DGKB: variants seen among roughly 807,000 people sequenced by gnomAD.
DGKB encodes 90 kDa diacylglycerol kinase.
Under a neutral mutation model 114.3 loss-of-function variants are expected in DGKB, and 67 were observed. The observed-to-expected ratio is 0.59, with a 90% CI of 0.48 to 0.72. DGKB has a LOEUF of 0.72. Among genes scored for constraint, DGKB ranks in the 30% least tolerant of loss-of-function variants. DGKB has a pLI of 0.00. For missense variants in DGKB, 907 were observed against 975.2 expected (o/e 0.93, Z 0.93); for synonymous variants, 398 against 323.1 (o/e 1.23, Z -2.49).
intron 23 of DGKB, among the ~76,000 whole-genome samples, chr7:14,226,371 T>C (rs1401448372): frequency 2.0e-5 from 3 of 152,010 alleles, no homozygotes; most frequent in Non-Finnish European, 4.4e-5. Flanking sequence ...GCAAAATAGA[T>C]ATGTTTTTTC....
intron 1 of DGKB, among the ~76,000 whole-genome samples, chr7:14,842,097 T>G (rs1337521354): frequency 1.3e-5 from 2 of 152,236 alleles, no homozygotes; most frequent in Non-Finnish European, 2.9e-5. Context: ...CCATCTGGTT[T>G]CAACATTTTT....
At chr7:14,182,614 T>C (rs1364350780) in intron 23 of DGKB, among the ~76,000 whole-genome samples, 2 of 152,166 alleles carry the variant, frequency 1.3e-5, no homozygotes, top group Non-Finnish European at 2.9e-5. Context: ...ACTTTATAAA[T>C]CTGTGAAAAT....
intron 1 of DGKB, among the ~76,000 whole-genome samples, chr7:14,871,684 C>T (rs547382791): frequency 2.4e-4 from 36 of 152,212 alleles, no homozygotes; most frequent in African/African-American, 6.7e-4. Context: ...ATTAGGAACA[C>T]GCAGCTCACT....
At chr7:14,389,514 T>G (rs1416826001) in intron 21 of DGKB, among the ~76,000 whole-genome samples, 1 of 152,234 alleles carries the variant, frequency 6.6e-6, no homozygotes, top group African/African-American at 2.4e-5. Flanking sequence ...CTGTTCCCAT[T>G]GATTTGCAAC....
chr7:14,343,104 G>C (rs776768249), intron 22 of DGKB, among the ~76,000 whole-genome samples: 9 of 150,106 alleles, frequency 6.0e-5, no homozygotes, highest in Non-Finnish European at 1.3e-4. Context: ...CTGCTAATAT[G>C]ATAGACAGGA....
At chr7:14,485,576 G>A (rs1783677098) in intron 20 of DGKB, among the ~76,000 whole-genome samples, 1 of 152,036 alleles carries the variant, frequency 6.6e-6, no homozygotes, top group Admixed American at 6.6e-5. Flanking sequence ...TTGCTGAATG[G>A]TACATGAAAA....
At chr7:14,682,159 A>G (rs1467244117) in intron 12 of DGKB, among the ~76,000 whole-genome samples, 1 of 152,118 alleles carries the variant, frequency 6.6e-6, no homozygotes, top group African/African-American at 2.4e-5. Flanking sequence ...ATAAGTTTAC[A>G]ATAAGCAAAC....
chr7:14,380,299 A>C (rs2128678617), intron 21 of DGKB, among the ~76,000 whole-genome samples: 1 of 152,094 alleles, frequency 6.6e-6, no homozygotes, highest in East Asian at 1.9e-4. Context: ...ATTATGCCTA[A>C]TTGAAAAAGG....
At chr7:14,810,954 G>A (rs1412807776) in intron 2 of DGKB, among the ~76,000 whole-genome samples, 3 of 152,036 alleles carry the variant, frequency 2.0e-5, no homozygotes, top group Admixed American at 1.3e-4. Flanking sequence ...ATATTTATGG[G>A]ACATTTCAAT....
chr7:14,923,441 C>A (rs190908855), intron 1 of DGKB, among the ~76,000 whole-genome samples: 1 of 152,220 alleles, frequency 6.6e-6, no homozygotes, highest in Non-Finnish European at 1.5e-5. Flanking sequence ...GATTTTTAAA[C>A]AAGTCACTTT....
chr7:14,258,008 G>A (rs532340174), intron 23 of DGKB, among the ~76,000 whole-genome samples: 16 of 152,162 alleles, frequency 1.1e-4, no homozygotes, highest in East Asian at 3.9e-4. Flanking sequence ...GATTGCAGGC[G>A]TGAGCCAATC....
intron 17 of DGKB, among the ~76,000 whole-genome samples, chr7:14,598,687 C>A (rs367569009): frequency 1.3e-5 from 2 of 152,048 alleles, no homozygotes. Context: ...TTTAAGCTAT[C>A]TTTTGCTGAA....
intron 21 of DGKB, among the ~76,000 whole-genome samples, chr7:14,351,379 G>A (rs959451763): frequency 6.6e-6 from 1 of 152,226 alleles, no homozygotes; most frequent in African/African-American, 2.4e-5. Flanking sequence ...CACTCCCAGA[G>A]TAGCTGCAGC....
chr7:14,968,422 C>T (rs1159555533), intron 1 of DGKB, among the ~76,000 whole-genome samples: 4 of 152,040 alleles, frequency 2.6e-5, no homozygotes, highest in East Asian at 1.9e-4. Flanking sequence ...TAAATATAGA[C>T]GGAATCAAAA....
intron 2 of DGKB, among the ~76,000 whole-genome samples, chr7:14,837,871 A>G (rs1435019978): frequency 6.6e-6 from 1 of 152,196 alleles, no homozygotes; most frequent in East Asian, 1.9e-4. Flanking sequence ...TTATTCAGGA[A>G]AGTCCTTGGA....
intron 2 of DGKB, among the ~76,000 whole-genome samples, chr7:14,778,719 T>C (rs566939741): frequency 6.6e-6 from 1 of 152,342 alleles, no homozygotes; most frequent in Non-Finnish European, 1.5e-5. Flanking sequence ...AAGAGGGAGT[T>C]GACTTGTAAC....
intron 21 of DGKB, among the ~76,000 whole-genome samples, chr7:14,418,371 GTA>G (rs369934623): frequency 0.25 from 32,606 of 129,630 alleles, 4,705 homozygotes; most frequent in African/African-American, 0.43. Flanking sequence ...ATGTGTGTGT[GTA>G]TATATATATA....
chr7:14,845,824 G>T (rs777945935), intron 1 of DGKB, among the ~76,000 whole-genome samples: 1 of 150,396 alleles, frequency 6.6e-6, no homozygotes, highest in African/African-American at 2.5e-5. Context: ...AACTGAATGG[G>T]CATTAAAAAA....
intron 23 of DGKB, among the ~76,000 whole-genome samples, chr7:14,312,763 T>A (rs1805625721): frequency 6.6e-6 from 1 of 152,192 alleles, no homozygotes; most frequent in South Asian, 2.1e-4. Context: ...TTCTTAAAAA[T>A]GGAAGGAGTT....
Sources: allele counts gnomAD v4.1 joint callset (sites outside exome capture counted in the v4.1 genomes callset), GRCh38; gene constraint gnomAD v4.1.1; transcripts MANE v1.5; gene names NCBI Gene and HGNC (gene_info 2026-07-23, HGNC 2026-07-21).